CENPW: variants seen among roughly 807,000 people sequenced by gnomAD.
The protein encoded by CENPW is centromere protein W, also known as cancer-up-regulated gene 2 protein.
Under a neutral mutation model 11.1 loss-of-function variants are expected in CENPW, and 3 were observed. That is an observed-to-expected ratio of 0.27 (90% CI 0.12 to 0.70). The LOEUF is 0.70. Among genes scored for constraint, CENPW ranks in the 30% least tolerant of loss-of-function variants. CENPW has a pLI of 0.77. For missense variants in CENPW, 100 were observed against 105.6 expected, an observed-to-expected ratio of 0.95 and a Z score of 0.23; for synonymous variants, 38 against 42.0, an observed-to-expected ratio of 0.91 and a Z score of 0.37.
chr6:126,386,704 T>G, the CENPW span, among the ~76,000 whole-genome samples: 1 of 151,984 alleles, frequency 6.6e-6, no homozygotes, highest in East Asian at 1.9e-4. Context: ...ACACCCTTTT[T>G]TATTCCCCCT....
At chr6:126,424,502 A>G in the CENPW span, among the ~76,000 whole-genome samples, 1 of 152,092 alleles carries the variant, frequency 6.6e-6, no homozygotes, top group African/African-American at 2.4e-5. Context: ...GTGAACTTGA[A>G]ATAATTTGTG....
chr6:126,458,939 C>T, the CENPW span, among the ~76,000 whole-genome samples: 1 of 151,328 alleles, frequency 6.6e-6, no homozygotes, highest in Non-Finnish European at 1.5e-5. Flanking sequence ...TGTGTGAAAA[C>T]CTGCCTACAG....
At chr6:126,341,666 C>A (rs575445805) in intron 1 of CENPW, among the ~76,000 whole-genome samples, 1 of 152,166 alleles carries the variant, frequency 6.6e-6, no homozygotes, top group Non-Finnish European at 1.5e-5. Context: ...ATAGAGGTGG[C>A]ACAAATGAAC....
chr6:126,430,839 G>C, the CENPW span, among the ~76,000 whole-genome samples: 1 of 151,954 alleles, frequency 6.6e-6, no homozygotes, highest in South Asian at 2.1e-4. Flanking sequence ...AGAATTGCTT[G>C]AACCTGGGAG....
At chr6:126,346,011 G>A (rs1780402260) in intron 1 of CENPW, among the ~76,000 whole-genome samples, 194 bp from the exon 2 acceptor site, 2 of 152,158 alleles carry the variant, frequency 1.3e-5, no homozygotes, top group Admixed American at 6.5e-5. Context: ...TTGCAATGAC[G>A]AAGTCTCTTT....
At chr6:126,367,747 T>C in the CENPW span, among the ~76,000 whole-genome samples, 4 of 152,140 alleles carry the variant, frequency 2.6e-5, no homozygotes, top group Non-Finnish European at 4.4e-5. Context: ...TGAAACTCAT[T>C]TGGAAGGTGT....
the CENPW span, among the ~76,000 whole-genome samples, chr6:126,446,416 T>C: frequency 2.0e-5 from 3 of 149,946 alleles, no homozygotes; most frequent in African/African-American, 7.3e-5. Flanking sequence ...CTTAATACTT[T>C]TAATCCTTAC....
the CENPW span, among the ~76,000 whole-genome samples, chr6:126,397,944 G>A: frequency 1.4e-4 from 21 of 151,978 alleles, no homozygotes; most frequent in Admixed American, 3.9e-4. Flanking sequence ...ACCTTCTGTG[G>A]AGCTGATTTC....
At chr6:126,388,137 G>A in the CENPW span, among the ~76,000 whole-genome samples, 1 of 151,966 alleles carries the variant, frequency 6.6e-6, no homozygotes, top group South Asian at 2.1e-4. Context: ...ACTAAACTGA[G>A]ACTTCATACA....
At chr6:126,386,746 A>G in the CENPW span, among the ~76,000 whole-genome samples, 1 of 152,084 alleles carries the variant, frequency 6.6e-6, no homozygotes, top group African/African-American at 2.4e-5. Context: ...TCTTCCAGGT[A>G]GGCACTAGGG....
chr6:126,376,066 G>A, the CENPW span, among the ~76,000 whole-genome samples: 1 of 152,134 alleles, frequency 6.6e-6, no homozygotes, highest in Non-Finnish European at 1.5e-5. Flanking sequence ...ACGTCCTGAA[G>A]ATGGAACTGG....
chr6:126,388,805 ATTTAC>A, the CENPW span, among the ~76,000 whole-genome samples: 1 of 151,912 alleles, frequency 6.6e-6, no homozygotes, highest in African/African-American at 2.4e-5. Context: ...GTGATTGCCT[ATTTAC>A]TTTTCTGCCA....
At position 126,340,138 on chromosome 6, in the gene CENPW, C is replaced by A; in HGVS notation, c.-136C>A. ...GCGTTCCGTTGGCGGCGGATTCGAA[C>A]GTTCGGACTGAGGTTTTTCTGCCTG... On this transcript the variant is annotated 5_prime_UTR_variant, in exon 1 of 3. Coordinates refer to ENST00000368328, the MANE Select transcript of CENPW (RefSeq NM_001012507.4). 3 of 819,306 alleles carry A rather than the reference C, an allele frequency of 3.7e-6. No homozygotes were observed. Among genetic ancestry groups the A allele is most frequent in the Non-Finnish European group, 5.9e-6 (3 of 504,864 alleles). The allele number at this position is 819,306 out of a possible 1,614,324, so 50.8% of individuals were successfully genotyped here. A position where few individuals can be genotyped will look rare whatever the true frequency, so the allele number is the denominator to read the frequency against.
the CENPW span, among the ~76,000 whole-genome samples, chr6:126,357,698 T>A: frequency 4.6e-5 from 7 of 151,966 alleles, no homozygotes. Context: ...AACCTCCACC[T>A]CCCAGGTTCA....
chr6:126,446,102 T>G, the CENPW span, among the ~76,000 whole-genome samples: 1 of 151,144 alleles, frequency 6.6e-6, no homozygotes, highest in African/African-American at 2.4e-5. Flanking sequence ...ATGAATTAAG[T>G]AGAAATGAAC....
At chr6:126,465,161 G>C in the CENPW span, among the ~76,000 whole-genome samples, 1 of 151,896 alleles carries the variant, frequency 6.6e-6, no homozygotes, top group Non-Finnish European at 1.5e-5. Context: ...AATGTAATAA[G>C]ACACAAAGTC....
chr6:126,413,093 C>T, the CENPW span, among the ~76,000 whole-genome samples: 1 of 152,032 alleles, frequency 6.6e-6, no homozygotes, highest in Non-Finnish European at 1.5e-5. Context: ...GTTTCCAGAG[C>T]TTCTGATACC....
At chr6:126,361,858 G>A in the CENPW span, among the ~76,000 whole-genome samples, 1 of 152,190 alleles carries the variant, frequency 6.6e-6, no homozygotes, top group Admixed American at 6.5e-5. Flanking sequence ...CTGTGAAAGT[G>A]GGGGCTCCTC....
At chr6:126,397,570 T>G in the CENPW span, among the ~76,000 whole-genome samples, 35 of 152,252 alleles carry the variant, frequency 2.3e-4, no homozygotes, top group East Asian at 7.7e-4. Context: ...GTGATTTTTT[T>G]TGTGTGTGTG....
Sources: allele counts gnomAD v4.1 joint callset (sites outside exome capture counted in the v4.1 genomes callset), GRCh38; gene constraint gnomAD v4.1.1; transcripts MANE v1.5; gene names NCBI Gene and HGNC (gene_info 2026-07-23, HGNC 2026-07-21).